Variants in CDC14A observed in about 807,000 individuals in gnomAD.
CDC14A encodes the protein dual specificity protein phosphatase CDC14A.
A neutral mutation model predicts 74.4 loss-of-function variants in CDC14A; 53 were observed. That is an observed-to-expected ratio of 0.71 (90% CI 0.57 to 0.89). The LOEUF (loss-of-function observed/expected upper bound fraction) is 0.89, where lower values mean the gene tolerates loss of function less well. Among genes scored for constraint, CDC14A ranks in the 40% least tolerant of loss-of-function variants. The pLI is 0.00. For synonymous variants in CDC14A, 247 were observed against 258.4 expected (o/e 0.96, Z 0.43); for missense variants, 646 against 713.7 (o/e 0.91, Z 1.08).
Position 100,508,363 on chromosome 1 carries a change from A to G in CDC14A, c.1755+9101A>G, listed in dbSNP as rs1300356103. Among the ~76,000 whole-genome samples the G allele has an allele frequency of 6.6e-6, 1 of 151,584 alleles. No individual in the cohort carries two copies. The highest frequency in any genetic ancestry group is 1.5e-5 in the Non-Finnish European group (1 of 67,922). ...TAAGCCATTTTGATATTGCTTTGCTATTTGCATTTCATCCTGTGAGAGTTT... is the reference window on the plus strand; with the variant it reads ...TAAGCCATTTTGATATTGCTTTGCTGTTTGCATTTCATCCTGTGAGAGTTT... On this transcript the variant is annotated intron_variant, in intron 15 of 15. Coordinates refer to ENST00000336454, the MANE Select transcript of CDC14A (RefSeq NM_003672.4). The surrounding 1 kb of genome is among the most constrained non-coding windows in gnomAD (Gnocchi z 4.4).
chr1:100,481,823 G>A (rs1406697366), intron 10 of CDC14A, among the ~76,000 whole-genome samples: 2 of 152,098 alleles, frequency 1.3e-5, no homozygotes, highest in African/African-American at 4.8e-5. Flanking sequence ...TGGTGTGTTG[G>A]CTTCATAAGA....
chr1:100,518,296 G>A lies in CDC14A; in HGVS notation c.*16G>A. On this transcript the variant is annotated 3_prime_UTR_variant, in exon 16 of 16. Coordinates refer to ENST00000336454, the MANE Select transcript of CDC14A (RefSeq NM_003672.4). ...TCATTACTAAGGCCTTGCCACTCCAGTGAAAGCTGTTCTTCTCTTAGACAC... is the reference window on the plus strand; with the variant it reads ...TCATTACTAAGGCCTTGCCACTCCAATGAAAGCTGTTCTTCTCTTAGACAC... 6.2e-7 allele frequency: 1 copy of A among 1,604,538 alleles called. No individual in the cohort carries two copies. The highest frequency in any genetic ancestry group is 1.3e-5 in the African/African-American group (1 of 74,820).
At chr1:100,390,635 G>A in intron 3 of CDC14A, 97 bp from the exon 4 acceptor site, 1 of 750,782 alleles carries the variant, frequency 1.3e-6, no homozygotes, top group South Asian at 1.6e-5. Flanking sequence ...TTTATGGGTT[G>A]TAGCACATCT....
At chr1:100,513,468 T>C (rs1410108636) in intron 15 of CDC14A, among the ~76,000 whole-genome samples, 2 of 152,166 alleles carry the variant, frequency 1.3e-5, no homozygotes, top group African/African-American at 4.8e-5. Flanking sequence ...AAAAAGTCCA[T>C]GAACATTTTG....
chr1:100,408,467 T>A (rs1660241086), intron 4 of CDC14A, among the ~76,000 whole-genome samples: 1 of 152,148 alleles, frequency 6.6e-6, no homozygotes, highest in Admixed American at 6.5e-5. Context: ...GGTATTTCTG[T>A]TTTTAGGTCT....
rs112236843 is a variant in CDC14A at position 100,496,311 on chromosome 1, A to AGG, written c.1298+267_1298+268dup. ...ATTTTGTGCTCTTAGCACATTGTGG[A>AGG]GGGGGGTCTCTAAGAAACTACAGGT... On this transcript the variant is annotated intron_variant, in intron 13 of 15. Transcript: ENST00000336454. Among the ~76,000 whole-genome samples, 50 of 150,810 alleles carry AGG rather than the reference A, an allele frequency of 3.3e-4. 1 individual carries two copies. Among genetic ancestry groups the AGG allele is most frequent in the African/African-American group, 1.1e-3 (46 of 40,932 alleles).
At chr1:100,505,982 C>T (rs1401968584) in intron 15 of CDC14A, among the ~76,000 whole-genome samples, 1 of 151,920 alleles carries the variant, frequency 6.6e-6, no homozygotes, top group Non-Finnish European at 1.5e-5. Flanking sequence ...TCTTTTAAAC[C>T]ACCAGATCTC....
rs7527622 is a variant in CDC14A, at chr1:100,407,686, C to T, written c.310-16536C>T. Among the ~76,000 whole-genome samples the T allele has an allele frequency of 1.7e-4, 26 of 152,108 alleles. No homozygotes were observed. In the East Asian group the frequency reaches 4.8e-3, roughly 28 times the overall value. ...ACTTCTTCTCTTCCTATTTGAATAC[C>T]CTTTATTTCTTTCTCTTGTCTGATG... is the stretch of plus-strand genomic sequence containing the variant. On this transcript the variant is annotated intron_variant, in intron 4 of 15. Coordinates refer to ENST00000336454, the MANE Select transcript of CDC14A (RefSeq NM_003672.4).
At chr1:100,454,255 G>A (rs549475285) in intron 7 of CDC14A, among the ~76,000 whole-genome samples, 1 of 152,000 alleles carries the variant, frequency 6.6e-6, no homozygotes, top group Non-Finnish European at 1.5e-5. Flanking sequence ...CCATATAATG[G>A]GGGGAGAAAG....
At chr1:100,392,334 C>A (rs538727748) in intron 4 of CDC14A, among the ~76,000 whole-genome samples, 1 of 152,164 alleles carries the variant, frequency 6.6e-6, no homozygotes, top group Non-Finnish European at 1.5e-5. Context: ...GATTCAAGCC[C>A]TGTAAACAAA....
chr1:100,360,654 T>G lies in CDC14A; in HGVS notation c.140+6802T>G, dbSNP rs1298595944. On this transcript the variant is annotated intron_variant, in intron 2 of 15. Transcript: ENST00000336454. ...GCCACCGTGCCTGGCCCACAGTTCT[T>G]AATTCTGTAATCCAGGGGAATCAAA... 2.6e-5 allele frequency among the ~76,000 whole-genome samples: 4 copies of G among 152,298 alleles called. No individual in the cohort carries two copies. In the East Asian group the frequency reaches 7.7e-4, roughly 29 times the overall value.
chr1:100,474,938 A>T (rs1347832399), intron 10 of CDC14A, among the ~76,000 whole-genome samples: 1 of 151,840 alleles, frequency 6.6e-6, no homozygotes, highest in Non-Finnish European at 1.5e-5. Flanking sequence ...TTGAATGTTT[A>T]GGTTTATGTC....
At chr1:100,405,896 G>GT (rs1163988019) in intron 4 of CDC14A, among the ~76,000 whole-genome samples, 1 of 152,176 alleles carries the variant, frequency 6.6e-6, no homozygotes, top group Non-Finnish European at 1.5e-5. Context: ...TATATACCCA[G>GT]TAATGGGATT....
intron 10 of CDC14A, among the ~76,000 whole-genome samples, chr1:100,483,249 A>T (rs1420975419): frequency 6.6e-6 from 1 of 152,170 alleles, no homozygotes; most frequent in Non-Finnish European, 1.5e-5. Flanking sequence ...CTTCACCAGC[A>T]TCTGTTATTT....
chr1:100,481,821 TG>T (rs1454548615), intron 10 of CDC14A, among the ~76,000 whole-genome samples: 1 of 152,222 alleles, frequency 6.6e-6, no homozygotes, highest in Non-Finnish European at 1.5e-5. Context: ...GCTGGTGTGT[TG>T]GCTTCATAAG....
Position 100,462,775 on chromosome 1 carries a change from C to T in CDC14A, c.732C>T (p.His244=). The T allele has an allele frequency of 6.2e-7, 1 of 1,614,176 alleles. No individual in the cohort carries two copies. The highest frequency in any genetic ancestry group is 8.5e-7 in the Non-Finnish European group (1 of 1,180,006). The change falls in exon 9 of 16, where the codon CAC becomes CAT. Residue 244 remains histidine, a synonymous_variant. Coordinates refer to ENST00000336454, the MANE Select transcript of CDC14A (RefSeq NM_003672.4). ...GCTTCACAGACGCTGGCTTCGAGCA[C>T]TATGACCTCTTCTTCATAGATGGCA... ...AKRFTDAGFE[H]YDLFFIDGST...
intron 11 of CDC14A, among the ~76,000 whole-genome samples, chr1:100,487,494 G>A (rs186342153): frequency 3.9e-5 from 6 of 152,256 alleles, no homozygotes; most frequent in Admixed American, 2.0e-4. Context: ...CCCGAGAGGC[G>A]GAGGTTGCAG....
intron 4 of CDC14A, among the ~76,000 whole-genome samples, chr1:100,392,284 A>G (rs931098609): frequency 3.9e-5 from 6 of 152,180 alleles, no homozygotes; most frequent in Non-Finnish European, 8.8e-5. Flanking sequence ...GATGATTGAC[A>G]CTGTGATTGA....
At chr1:100,410,447 G>A (rs527695617) in intron 4 of CDC14A, among the ~76,000 whole-genome samples, 11 of 151,910 alleles carry the variant, frequency 7.2e-5, no homozygotes, top group Admixed American at 7.2e-4. Flanking sequence ...TCAGCCTCCC[G>A]GGTAGCTGGA....
Sources: gnomAD v4.1 joint callset for allele counts (sites outside exome capture counted in the v4.1 genomes callset) on GRCh38, gnomAD v4.1.1 for gene constraint, Gnocchi (gnomAD v3.1) non-coding constraint, MANE v1.5 for transcripts, NCBI Gene and HGNC (gene_info 2026-07-23, HGNC 2026-07-21) for gene names.